Variants in APOLD1 observed in about 807,000 individuals in gnomAD.
APOLD1 encodes the protein apolipoprotein L domain containing 1.
APOLD1 carries 22 observed loss-of-function variants against 15.3 expected under a neutral mutation model. That is an observed-to-expected ratio of 1.44 (90% CI 1.03 to 2.05). The LOEUF is 2.05. Ranked by LOEUF, APOLD1 falls within the 30% of genes most tolerant of loss-of-function variation. APOLD1 has a pLI of 0.00. For synonymous variants in APOLD1, 190 were observed against 167.4 expected (o/e 1.13, Z -1.04); for missense variants, 394 against 353.5 (o/e 1.11, Z -0.92).
chr12:12,775,511 G>A (rs1024749042), intron 1 of APOLD1, among the ~76,000 whole-genome samples: 1 of 152,218 alleles, frequency 6.6e-6, no homozygotes, highest in Non-Finnish European at 1.5e-5. Flanking sequence ...GCAATAATGG[G>A]AGAAGTTATG....
intron 1 of APOLD1, among the ~76,000 whole-genome samples, chr12:12,773,964 A>G (rs1947008077): frequency 6.6e-6 from 1 of 152,254 alleles, no homozygotes; most frequent in Non-Finnish European, 1.5e-5. Context: ...CAGACCTAAG[A>G]GTAAAACATA....
At chr12:12,738,178 C>G (rs1004856468) in intron 1 of APOLD1, among the ~76,000 whole-genome samples, 2 of 149,500 alleles carry the variant, frequency 1.3e-5, no homozygotes, top group African/African-American at 4.9e-5. Flanking sequence ...AGGCTCTCCC[C>G]ATACTCACCA....
At position 12,787,346 on chromosome 12, in the gene APOLD1, C is replaced by A. The variant is rs1007250816; in HGVS notation, c.441C>A (p.Cys147Ter). The A allele has an allele frequency of 2.5e-6, 4 of 1,613,764 alleles. No individual in the cohort carries two copies. The change falls in exon 2 of 2, where the codon TGC becomes TGA. Residue 147 changes from cysteine (C) to a stop codon, truncating the protein, a stop_gained. Coordinates refer to ENST00000356591, the MANE Select transcript of APOLD1 (RefSeq NM_030817.3). LOFTEE classifies it high-confidence loss of function. This position sits in a 1 kb window ranked among gnomAD's most constrained non-coding sequence, Gnocchi z 4.9. ...AGTTTTTCTGCCGCTGGCAGGGCTG[C>A]GGGGACCGCCAGCTGCTGCAGTGCG... is the stretch of plus-strand genomic sequence containing the variant. ...CLEFFCRWQG[C>*]GDRQLLQCGR...
chr12:12,735,204 A>G (rs1170773800), intron 1 of APOLD1, among the ~76,000 whole-genome samples: 1 of 152,114 alleles, frequency 6.6e-6, no homozygotes. Context: ...CCACCTGAGC[A>G]ACAGAACAAG....
chr12:12,757,933 A>G (rs1002161931), intron 1 of APOLD1, among the ~76,000 whole-genome samples: 4 of 147,464 alleles, frequency 2.7e-5, no homozygotes, highest in African/African-American at 1.0e-4. Flanking sequence ...AACTAATTCA[A>G]TATCTTTTTT....
At chr12:12,740,846 T>C (rs893829773) in intron 1 of APOLD1, among the ~76,000 whole-genome samples, 1 of 152,110 alleles carries the variant, frequency 6.6e-6, no homozygotes, top group Non-Finnish European at 1.5e-5. Context: ...ACTATTAAAA[T>C]TGAGTTGCGG....
intron 1 of APOLD1, among the ~76,000 whole-genome samples, chr12:12,743,043 C>T (rs1946740040): frequency 6.6e-6 from 1 of 152,240 alleles, no homozygotes; most frequent in Non-Finnish European, 1.5e-5. Flanking sequence ...TGAGCCACCG[C>T]GCCCCGCCAT....
At chr12:12,784,570 GGATTTAA>G (rs1947109349), upstream of APOLD1, among the ~76,000 whole-genome samples, 2 of 152,160 alleles carry the variant, frequency 1.3e-5, no homozygotes, top group South Asian at 4.1e-4. Context: ...TAAAGGTGGG[GGATTTAA>G]TCATGTTCCA....
rs1249535148 is a variant in APOLD1 at position 12,774,569 on chromosome 12, AAAAAAGAAAG to A, written c.97-12335_97-12326del. On this transcript the variant is annotated intron_variant, in intron 1 of 1. Coordinates refer to the APOLD1 transcript ENST00000326765. ...TCCAAAAAAAAAAAAAAAAAAAAAA[AAAAAAGAAAG>A]AAAAGAAAAGTAAAGAAAAGAAAAG... is the stretch of plus-strand genomic sequence containing the variant. 1.2e-4 allele frequency among the ~76,000 whole-genome samples: 14 copies of A among 121,504 alleles called. 1 individual carries two copies. Among genetic ancestry groups the A allele is most frequent in the South Asian group, 9.8e-4 (3 of 3,074 alleles). 79.7% of individuals were successfully genotyped at this position (121,504 alleles called of 152,430 possible).
intron 1 of APOLD1, among the ~76,000 whole-genome samples, chr12:12,762,244 G>A (rs1036357905): frequency 2.0e-5 from 3 of 151,996 alleles, no homozygotes; most frequent in African/African-American, 7.3e-5. Context: ...ATGGAGGCAG[G>A]GCCACCCAGG....
chr12:12,776,527 G>A (rs1309417428), intron 1 of APOLD1, among the ~76,000 whole-genome samples: 1 of 152,224 alleles, frequency 6.6e-6, no homozygotes, highest in East Asian at 1.9e-4. Flanking sequence ...TAGGGCCCAT[G>A]GGGCAAACGA....
intron 1 of APOLD1, among the ~76,000 whole-genome samples, chr12:12,760,466 C>CAT (rs1946889626): frequency 5.3e-5 from 8 of 151,986 alleles, no homozygotes; most frequent in Admixed American, 5.2e-4. Context: ...GTCAAAACCC[C>CAT]GTCTTTACTA....
intron 1 of APOLD1, among the ~76,000 whole-genome samples, chr12:12,732,986 T>C (rs1946653305): frequency 6.6e-6 from 1 of 152,026 alleles, no homozygotes; most frequent in African/African-American, 2.4e-5. Flanking sequence ...TTATAGCCAT[T>C]AAAACACCCT....
chr12:12,763,211 A>C (rs1465050628), intron 1 of APOLD1, among the ~76,000 whole-genome samples: 1 of 152,234 alleles, frequency 6.6e-6, no homozygotes, highest in African/African-American at 2.4e-5. Flanking sequence ...GTGCATTGTG[A>C]GATGGCTAAA....
chr12:12,761,538 T>A (rs1946898271), intron 1 of APOLD1, among the ~76,000 whole-genome samples: 2 of 151,826 alleles, frequency 1.3e-5, no homozygotes. Context: ...ATTTGAGGAG[T>A]CTTCCCTACA....
chr12:12,754,311 T>G (rs911761598), intron 1 of APOLD1, among the ~76,000 whole-genome samples: 3 of 151,908 alleles, frequency 2.0e-5, no homozygotes, highest in Non-Finnish European at 2.9e-5. Flanking sequence ...GGTGGGATTG[T>G]CCCAGCCTCC....
intron 1 of APOLD1, among the ~76,000 whole-genome samples, chr12:12,737,029 G>A (rs1004785837): frequency 3.9e-5 from 6 of 152,182 alleles, no homozygotes; most frequent in Non-Finnish European, 5.9e-5. Context: ...TGCGATTGGC[G>A]TGAATCTTCT....
chr12:12,784,963 A>C (rs1482015018), upstream of APOLD1, among the ~76,000 whole-genome samples: 1 of 152,188 alleles, frequency 6.6e-6, no homozygotes, highest in African/African-American at 2.4e-5. Context: ...CCAATGCCCT[A>C]TTGTGGTTGA....
chr12:12,784,618 A>G (rs540559182), upstream of APOLD1, among the ~76,000 whole-genome samples: 3 of 152,330 alleles, frequency 2.0e-5, no homozygotes, highest in South Asian at 6.2e-4. Context: ...CTTTCCAGGT[A>G]AGCCAGAGAG....
Sources: gnomAD v4.1 joint callset for allele counts (sites outside exome capture counted in the v4.1 genomes callset) on GRCh38, gnomAD v4.1.1 for gene constraint, Gnocchi (gnomAD v3.1) non-coding constraint, MANE v1.5 for transcripts, NCBI Gene and HGNC (gene_info 2026-07-23, HGNC 2026-07-21) for gene names.